Variants in AP3D1 observed in about 807,000 individuals in gnomAD.
AP3D1 encodes the protein adaptor related protein complex 3 subunit delta 1.
A neutral mutation model predicts 147.6 loss-of-function variants in AP3D1; 51 were observed. The ratio of observed to expected loss-of-function variants is 0.35; its 90% confidence interval spans 0.28 to 0.44. The LOEUF is 0.44. AP3D1 is among the 20% of genes least tolerant of loss of function. The pLI is 1.00. For synonymous variants in AP3D1, 760 were observed against 663.0 expected (o/e 1.15, Z -2.25); for missense variants, 1,421 against 1,624.2 (o/e 0.87, Z 2.15).
Position 2,120,940 on chromosome 19 carries a change from A to G in AP3D1, c.1403T>C (p.Leu468Pro). 1.2e-6 allele frequency: 2 copies of G among 1,612,112 alleles called. No individual in the cohort carries two copies. The highest frequency in any genetic ancestry group is 1.7e-6 in the Non-Finnish European group (2 of 1,180,006). Residue 468 changes from leucine (L) to proline (P), a missense_variant, in exon 14 of 32, where the codon CTG becomes CCG. Leu to Pro is a moderately conservative substitution (Grantham distance 98). Coordinates refer to ENST00000643116, the MANE Select transcript of AP3D1 (RefSeq NM_001261826.3). ...QMSALLDSAH[L>P]LASSTQRNGI... Reference sequence around the variant, plus strand: ...GTTCCGCTGGGTGCTGCTGGCCAGCAGGTGTGCACTGTCAAGCAGCGCAGA... The same window carrying G: ...GTTCCGCTGGGTGCTGCTGGCCAGCGGGTGTGCACTGTCAAGCAGCGCAGA...
intron 14 of AP3D1, 74 bp from the exon 15 acceptor site, chr19:2,118,906 A>C: frequency 9.2e-6 from 13 of 1,410,104 alleles, no homozygotes; most frequent in Non-Finnish European, 1.3e-5. Context: ...AGGACCTAGG[A>C]GGCCTGGGCT....
chr19:2,108,605 C>A (rs912024694), intron 31 of AP3D1, 82 bp downstream of exon 31: 2 of 1,319,966 alleles, frequency 1.5e-6, no homozygotes, highest in Non-Finnish European at 2.1e-6. Flanking sequence ...AGTCCCAAAG[C>A]GCGCCTCTGG....
chr19:2,126,133 C>A (rs2145090596), intron 9 of AP3D1, among the ~76,000 whole-genome samples: 1 of 149,372 alleles, frequency 6.7e-6, no homozygotes, highest in Non-Finnish European at 1.5e-5. Flanking sequence ...CTGTCTGCAG[C>A]CTGGAACTCC....
upstream of AP3D1, among the ~76,000 whole-genome samples, chr19:2,155,519 G>A (rs2019638069): frequency 7.9e-6 from 1 of 127,180 alleles, no homozygotes. Flanking sequence ...GGGTGACAGC[G>A]AGACTCTGTC....
chr19:2,161,623 C>T (rs2019699496), intron 1 of AP3D1, among the ~76,000 whole-genome samples: 1 of 152,030 alleles, frequency 6.6e-6, no homozygotes. Flanking sequence ...GGCATACATG[C>T]AGACCAAAGA....
At chr19:2,135,211 T>C (rs1039267187) in intron 4 of AP3D1, among the ~76,000 whole-genome samples, 3 of 147,150 alleles carry the variant, frequency 2.0e-5, no homozygotes, top group African/African-American at 7.5e-5. Flanking sequence ...AAAAACAAAA[T>C]AAAACAAAAC....
chr19:2,102,343 C>A, intron 31 of AP3D1, 75 bp from the exon 32 acceptor site: 1 of 1,370,698 alleles, frequency 7.3e-7, no homozygotes, highest in South Asian at 1.2e-5. Context: ...TCTGTGATCC[C>A]AGCATTTTGG....
chr19:2,108,659 AG>A (rs2018177518), intron 31 of AP3D1, 27 bp downstream of exon 31: 3 of 1,557,564 alleles, frequency 1.9e-6, no homozygotes, highest in Middle Eastern at 1.7e-4. Context: ...GGCAGGAGCC[AG>A]GGTGTGCACA....
intron 29 of AP3D1, 54 bp from the exon 30 acceptor site, chr19:2,109,261 C>T: frequency 2.0e-6 from 3 of 1,516,742 alleles, no homozygotes; most frequent in Non-Finnish European, 2.6e-6. Context: ...CTCAGGCTTC[C>T]TGGCACAGAG....
intron 8 of AP3D1, 102 bp from the exon 9 acceptor site, chr19:2,127,303 G>A: frequency 3.9e-6 from 5 of 1,295,674 alleles, no homozygotes; most frequent in Non-Finnish European, 5.5e-6. Flanking sequence ...CCGCCCCACG[G>A]CTCAGGGAGT....
intron 11 of AP3D1, 132 bp from the exon 12 acceptor site, chr19:2,122,011 A>G: frequency 1.9e-6 from 2 of 1,038,666 alleles, no homozygotes; most frequent in Non-Finnish European, 2.7e-6. Flanking sequence ...GGGTGGACAG[A>G]GCAAGTATCC....
At chr19:2,115,097 G>T in intron 20 of AP3D1, 122 bp downstream of exon 20, 1 of 1,059,010 alleles carries the variant, frequency 9.4e-7, no homozygotes, top group East Asian at 2.5e-5. Context: ...TATGCTCTCC[G>T]GGGTGGGGCC....
At chr19:2,143,675 G>C (rs1368483550) in intron 1 of AP3D1, among the ~76,000 whole-genome samples, 1 of 152,156 alleles carries the variant, frequency 6.6e-6, no homozygotes, top group Non-Finnish European at 1.5e-5. Context: ...GTTGAGGTAA[G>C]AGGATTGATT....
At chr19:2,164,340 C>T (rs1306182254) in intron 1 of AP3D1, 63 of 1,084,136 alleles carry the variant, frequency 5.8e-5, no homozygotes, top group Non-Finnish European at 7.1e-5. Context: ...CCCAAACCCC[C>T]CCAAGCCGCG....
chr19:2,161,135 C>T (rs1040052844), intron 1 of AP3D1, among the ~76,000 whole-genome samples: 1 of 151,464 alleles, frequency 6.6e-6, no homozygotes, highest in Non-Finnish European at 1.5e-5. Flanking sequence ...CACTGTCTGG[C>T]CCATCAGGAG....
intron 31 of AP3D1, among the ~76,000 whole-genome samples, chr19:2,104,121 C>T (rs575579774): frequency 3.3e-5 from 5 of 150,730 alleles, no homozygotes; most frequent in Non-Finnish European, 7.4e-5. Context: ...CTCCAAGACG[C>T]CAACACTCAG....
chr19:2,107,442 T>C (rs1205179250), intron 31 of AP3D1, among the ~76,000 whole-genome samples: 7 of 151,566 alleles, frequency 4.6e-5, no homozygotes, highest in Non-Finnish European at 8.8e-5. Flanking sequence ...AATTGGTTGT[T>C]TGAAAAGTGC....
In AP3D1 at chr19:2,108,752, C is replaced by G. The variant is rs2018181178; in HGVS notation, c.3487G>C (p.Asp1163His). 6.4e-7 allele frequency: 1 copy of G among 1,571,378 alleles called. No homozygotes were observed. Among genetic ancestry groups the G allele is most frequent in the Non-Finnish European group, 8.6e-7 (1 of 1,158,596 alleles). Residue 1163 changes from aspartate to histidine, a missense_variant, in exon 31 of 32, where the codon GAC becomes CAC. Physicochemically the swap from Asp to His is moderately conservative, Grantham distance 81. Transcript: ENST00000643116. ...CGGCTGTACATGGAGGCGCAGGAGT[C>G]CACTCGCTCCACAACTGCAACAGAG... ...HHHFSVVERVDSCASMYSRSI... is the reference protein window; with the variant it reads ...HHHFSVVERVHSCASMYSRSI...
chr19:2,164,404 A>AC, exon 1 of AP3D1: 1 of 511,080 alleles, frequency 2.0e-6, no homozygotes, highest in Non-Finnish European at 2.9e-6. Context: ...TCGCTGCTCC[A>AC]CCCCCGTTGC....
Sources: gnomAD v4.1 joint callset for allele counts (sites outside exome capture counted in the v4.1 genomes callset) on GRCh38, gnomAD v4.1.1 for gene constraint, MANE v1.5 for transcripts, NCBI Gene and HGNC (gene_info 2026-07-23, HGNC 2026-07-21) for gene names.